Variants in ADGRB3 observed in about 807,000 individuals in gnomAD.
ADGRB3 encodes the protein brain-specific angiogenesis inhibitor 3.
ADGRB3 carries 37 observed loss-of-function variants against 193.4 expected under a neutral mutation model. The observed-to-expected ratio is 0.19, with a 90% confidence interval of 0.15 to 0.25. The LOEUF (loss-of-function observed/expected upper bound fraction) is 0.25, where lower values mean the gene tolerates loss of function less well. ADGRB3 is among the 10% of genes least tolerant of loss of function. ADGRB3 has a pLI of 1.00. For missense variants in ADGRB3, 1,637 were observed against 1,852.9 expected (o/e 0.88, Z 2.14); for synonymous variants, 690 against 644.2 (o/e 1.07, Z -1.08).
At chr6:68,681,706 TAAC>T (rs892015452) in intron 3 of ADGRB3, among the ~76,000 whole-genome samples, 4 of 150,070 alleles carry the variant, frequency 2.7e-5, no homozygotes, top group Admixed American at 1.3e-4. Flanking sequence ...AAGCAAATCA[TAAC>T]AACATCAAAA....
At chr6:68,969,571 A>G (rs1326003006) in intron 8 of ADGRB3, among the ~76,000 whole-genome samples, 1 of 152,130 alleles carries the variant, frequency 6.6e-6, no homozygotes, top group Non-Finnish European at 1.5e-5. Context: ...ATTAAACTTT[A>G]TCTTAGAGAT....
chr6:69,278,450 G>A (rs1211765529), intron 20 of ADGRB3, among the ~76,000 whole-genome samples: 1 of 152,122 alleles, frequency 6.6e-6, no homozygotes, highest in East Asian at 1.9e-4. Flanking sequence ...TGAGATATTA[G>A]TATTCCTCTG....
At chr6:69,377,924 G>C (rs1452263439) in intron 30 of ADGRB3, among the ~76,000 whole-genome samples, 1 of 152,034 alleles carries the variant, frequency 6.6e-6, no homozygotes, top group African/African-American at 2.4e-5. Flanking sequence ...TCCTGGTTGG[G>C]ACAAGTAAAT....
intron 29 of ADGRB3, among the ~76,000 whole-genome samples, chr6:69,367,163 T>C (rs1001727476): frequency 6.6e-6 from 1 of 152,130 alleles, no homozygotes; most frequent in African/African-American, 2.4e-5. Flanking sequence ...AGTGCAGTGA[T>C]CCTGAGGTAG....
At chr6:68,722,167 A>C (rs529970613) in intron 3 of ADGRB3, among the ~76,000 whole-genome samples, 2 of 151,848 alleles carry the variant, frequency 1.3e-5, no homozygotes, top group South Asian at 4.1e-4. Flanking sequence ...CCACAAAGTA[A>C]ATATTTTTAA....
chr6:69,231,593 A>C lies in ADGRB3; in HGVS notation c.2481-1697A>C, dbSNP rs73745986. Among the ~76,000 whole-genome samples, 949 of 152,306 alleles carry C rather than the reference A, an allele frequency of 6.2e-3. 10 individuals carry two copies. The highest frequency in any genetic ancestry group is 0.021 in the African/African-American group (868 of 41,564). On this transcript the variant is annotated intron_variant, in intron 17 of 31. Coordinates refer to ENST00000370598, the MANE Select transcript of ADGRB3 (RefSeq NM_001704.3). ...GAAGATAAGAGACAGAGAGCTAATG[A>C]AGTAAATTGATGTGCTGCTACAGTT...
chr6:69,312,182 A>G (rs1437204346), intron 20 of ADGRB3, among the ~76,000 whole-genome samples: 1 of 151,702 alleles, frequency 6.6e-6, no homozygotes, highest in Non-Finnish European at 1.5e-5. Flanking sequence ...GGATCATGAA[A>G]ATGGAGAAGT....
intron 15 of ADGRB3, among the ~76,000 whole-genome samples, chr6:69,051,067 G>A (rs1199017536): frequency 1.3e-5 from 2 of 151,948 alleles, no homozygotes; most frequent in African/African-American, 4.8e-5. Context: ...ATTTCCCAAG[G>A]GATCCCAGCC....
chr6:69,276,361 T>G (rs751163179), intron 20 of ADGRB3, among the ~76,000 whole-genome samples: 1 of 152,212 alleles, frequency 6.6e-6, no homozygotes, highest in Non-Finnish European at 1.5e-5. Flanking sequence ...ATTCAGTCTG[T>G]GGTCAGGAGA....
chr6:68,990,071 G>A (rs557781504), intron 10 of ADGRB3, among the ~76,000 whole-genome samples: 1 of 151,994 alleles, frequency 6.6e-6, no homozygotes, highest in African/African-American at 2.4e-5. Context: ...ATAAAGGACA[G>A]TTTGAAACAA....
At chr6:68,926,899 A>G (rs1480901742) in intron 3 of ADGRB3, among the ~76,000 whole-genome samples, 1 of 152,058 alleles carries the variant, frequency 6.6e-6, no homozygotes, top group Non-Finnish European at 1.5e-5. Flanking sequence ...TGGATGGGGG[A>G]AGAAATGACA....
At chr6:69,300,051 A>T (rs914051325) in intron 20 of ADGRB3, among the ~76,000 whole-genome samples, 8 of 151,890 alleles carry the variant, frequency 5.3e-5, no homozygotes, top group Admixed American at 1.3e-4. Flanking sequence ...GTCTCTGATG[A>T]CTATAGATGC....
intron 3 of ADGRB3, among the ~76,000 whole-genome samples, chr6:68,787,263 C>T (rs1362498570): frequency 6.6e-6 from 1 of 152,070 alleles, no homozygotes; most frequent in East Asian, 1.9e-4. Context: ...CAGTTTTTGC[C>T]CATTCAGTAT....
intron 17 of ADGRB3, among the ~76,000 whole-genome samples, chr6:69,156,462 A>T (rs1774842758): frequency 6.6e-6 from 1 of 152,182 alleles, no homozygotes; most frequent in South Asian, 2.1e-4. Context: ...GGCAGGAAAC[A>T]GCTTGATGTG....
intron 3 of ADGRB3, among the ~76,000 whole-genome samples, chr6:68,663,442 T>C (rs1582107436): frequency 1.3e-5 from 2 of 151,786 alleles, no homozygotes; most frequent in South Asian, 4.1e-4. Flanking sequence ...AGTTTTAAAC[T>C]TGAGATTAAT....
At chr6:69,296,173 T>G (rs922067347) in intron 20 of ADGRB3, among the ~76,000 whole-genome samples, 2 of 152,178 alleles carry the variant, frequency 1.3e-5, no homozygotes, top group Non-Finnish European at 2.9e-5. Context: ...ATTAACTAAG[T>G]TGATGAATAT....
intron 3 of ADGRB3, among the ~76,000 whole-genome samples, chr6:68,858,579 T>TGA (rs1259259543): frequency 9.0e-6 from 1 of 111,120 alleles, no homozygotes; most frequent in Non-Finnish European, 1.7e-5. Flanking sequence ...AGTGACAGAG[T>TGA]GAGACCCTGA....
chr6:69,123,212 C>T (rs1482330489), intron 17 of ADGRB3, among the ~76,000 whole-genome samples: 1 of 151,940 alleles, frequency 6.6e-6, no homozygotes, highest in Non-Finnish European at 1.5e-5. Flanking sequence ...AAATTTACTA[C>T]CATTTTGTAT....
chr6:69,139,655 C>T (rs1007148217), intron 17 of ADGRB3, among the ~76,000 whole-genome samples: 1 of 152,090 alleles, frequency 6.6e-6, no homozygotes, highest in African/African-American at 2.4e-5. Flanking sequence ...TAAATTAATC[C>T]TCCCAAAACC....
Sources: gnomAD v4.1 joint callset for allele counts (sites outside exome capture counted in the v4.1 genomes callset) on GRCh38, gnomAD v4.1.1 for gene constraint, MANE v1.5 for transcripts, NCBI Gene and HGNC (gene_info 2026-07-23, HGNC 2026-07-21) for gene names.